The following EDIL3 variants were observed in gnomAD, a reference collection of about 807,000 sequenced individuals.
EDIL3 encodes the protein EGF-like repeat and discoidin I-like domain-containing protein 3.
Under a neutral mutation model 67.4 loss-of-function variants are expected in EDIL3, and 37 were observed. That is an observed-to-expected ratio of 0.55 (90% CI 0.42 to 0.72). The LOEUF is 0.72. EDIL3 is among the 30% of genes least tolerant of loss of function. The probability of loss-of-function intolerance (pLI) is 0.00; values close to 1 mark genes in which losing one functional copy is unlikely to be tolerated. For synonymous variants in EDIL3, 195 were observed against 196.3 expected, an observed-to-expected ratio of 0.99 and a Z score of 0.05; for missense variants, 527 against 586.3, an observed-to-expected ratio of 0.90 and a Z score of 1.04.
intron 1 of EDIL3, among the ~76,000 whole-genome samples, chr5:84,304,791 T>C (rs1288142598): frequency 6.6e-6 from 1 of 152,156 alleles, no homozygotes; most frequent in Non-Finnish European, 1.5e-5. Context: ...AATACAACAA[T>C]TGGATGCAAG....
At chr5:84,293,498 A>G (rs1276570707) in intron 1 of EDIL3, among the ~76,000 whole-genome samples, 1 of 150,660 alleles carries the variant, frequency 6.6e-6, no homozygotes, top group Non-Finnish European at 1.5e-5. Context: ...CTTGTTTTCA[A>G]GCGTAGACTT....
intron 1 of EDIL3, among the ~76,000 whole-genome samples, chr5:84,304,490 C>G (rs1746225219): frequency 6.6e-6 from 1 of 152,128 alleles, no homozygotes; most frequent in African/African-American, 2.4e-5. Flanking sequence ...GAACAGGCAG[C>G]CTCTATTCCA....
chr5:84,055,078 C>A (rs1162912198), intron 9 of EDIL3, among the ~76,000 whole-genome samples: 1 of 146,194 alleles, frequency 6.8e-6, no homozygotes, highest in Non-Finnish European at 1.5e-5. Flanking sequence ...GCTACAGTAA[C>A]CAAAACAGCA....
At position 84,160,744 on chromosome 5, in the gene EDIL3, TCTTTCCTTTCCTTTCCTTTCCTTTC is replaced by T. The variant is rs58536621; in HGVS notation, c.355+19624_355+19648del. Among the ~76,000 whole-genome samples, 159 of 100,088 alleles carry T rather than the reference TCTTTCCTTTCCTTTCCTTTCCTTTC, an allele frequency of 1.6e-3. 3 individuals are homozygous for T. Among genetic ancestry groups the T allele is most frequent in the African/African-American group, 6.0e-3 (148 of 24,558 alleles). 65.7% of individuals were successfully genotyped at this position (100,088 alleles called of 152,430 possible). Reference sequence around the variant, plus strand: ...TTTTCTTCTTTTTTTTCTTTTCTTTTCTTTCCTTTCCTTTCCTTTCCTTTCCTTTCCTTTCCTTTCCTTTCCTTTC... The same window carrying T: ...TTTTCTTCTTTTTTTTCTTTTCTTTTCTTTCCTTTCCTTTCCTTTCCTTTC... On this transcript the variant is annotated intron_variant, in intron 4 of 10. Transcript: ENST00000296591.
At chr5:84,162,640 C>T (rs79687081) in intron 4 of EDIL3, among the ~76,000 whole-genome samples, 2,441 of 152,172 alleles carry the variant, frequency 0.016, 72 homozygotes, top group African/African-American at 0.056. Context: ...CCCCTTGGAG[C>T]ACCATGTTGA....
chr5:84,206,688 T>C (rs1097340), intron 3 of EDIL3, among the ~76,000 whole-genome samples: 106,350 of 151,570 alleles, frequency 0.7, 37,629 homozygotes, highest in African/African-American at 0.74. Flanking sequence ...CATCAAAAAG[T>C]TTATCCACCA....
At chr5:84,354,694 A>G (rs1208541606) in intron 1 of EDIL3, among the ~76,000 whole-genome samples, 1 of 151,722 alleles carries the variant, frequency 6.6e-6, no homozygotes. Flanking sequence ...AATTAACTTT[A>G]TAATTTTTTG....
intron 1 of EDIL3, among the ~76,000 whole-genome samples, chr5:84,320,552 G>C (rs1405077505): frequency 1.3e-5 from 2 of 152,034 alleles, no homozygotes. Context: ...ATGTCAGTTA[G>C]AGACCTGCAC....
intron 9 of EDIL3, among the ~76,000 whole-genome samples, chr5:83,967,974 G>A (rs183130212): frequency 4.6e-5 from 7 of 152,020 alleles, no homozygotes; most frequent in African/African-American, 7.2e-5. Flanking sequence ...CTCATTAAAC[G>A]GAAATGACTT....
At chr5:84,283,199 C>T (rs1487320629) in intron 1 of EDIL3, among the ~76,000 whole-genome samples, 1 of 152,000 alleles carries the variant, frequency 6.6e-6, no homozygotes, top group East Asian at 1.9e-4. Flanking sequence ...ACGGTTTATT[C>T]CCAATTGTGC....
intron 9 of EDIL3, among the ~76,000 whole-genome samples, chr5:84,021,633 A>G (rs114867877): frequency 0.01 from 1,558 of 152,044 alleles, 34 homozygotes; most frequent in African/African-American, 0.035. Context: ...ATGGTCTATC[A>G]AGAATGTTCT....
intron 1 of EDIL3, among the ~76,000 whole-genome samples, chr5:84,323,116 C>A (rs1006216661): frequency 2.0e-5 from 3 of 151,962 alleles, no homozygotes; most frequent in African/African-American, 7.2e-5. Context: ...TATTAATACA[C>A]TTTTTTAAAT....
intron 1 of EDIL3, among the ~76,000 whole-genome samples, chr5:84,308,702 A>G (rs1746321117): frequency 6.6e-6 from 1 of 152,224 alleles, no homozygotes; most frequent in Non-Finnish European, 1.5e-5. Flanking sequence ...ACAAAAATCT[A>G]TCTGAACAAG....
intron 8 of EDIL3, among the ~76,000 whole-genome samples, chr5:84,063,188 A>T (rs1338352543): frequency 6.6e-6 from 1 of 152,076 alleles, no homozygotes; most frequent in Non-Finnish European, 1.5e-5. Context: ...AAGACTGAAA[A>T]ATTGTGGAAG....
intron 5 of EDIL3, among the ~76,000 whole-genome samples, chr5:84,121,757 C>T (rs573381946): frequency 5.3e-5 from 8 of 152,136 alleles, no homozygotes; most frequent in South Asian, 2.1e-4. Flanking sequence ...GCTGTCCCAG[C>T]GTTCCCCCAA....
At chr5:84,349,164 T>G (rs2112186632) in intron 1 of EDIL3, among the ~76,000 whole-genome samples, 1 of 152,338 alleles carries the variant, frequency 6.6e-6, no homozygotes, top group East Asian at 1.9e-4. Flanking sequence ...CAATTATTTA[T>G]AAAGAATAAC....
intron 9 of EDIL3, among the ~76,000 whole-genome samples, chr5:84,011,323 T>C (rs1745513709): frequency 6.6e-6 from 1 of 152,200 alleles, no homozygotes; most frequent in South Asian, 2.1e-4. Flanking sequence ...CCTACATTCA[T>C]TCTGCCAAAT....
chr5:84,254,258 G>C, intron 1 of EDIL3, 46 bp from the exon 2 acceptor site: 1 of 1,565,454 alleles, frequency 6.4e-7, no homozygotes, highest in Non-Finnish European at 8.6e-7. Flanking sequence ...TTTTTGTCTT[G>C]GACATTGAAA....
chr5:84,306,125 TA>T (rs921825528), intron 1 of EDIL3, among the ~76,000 whole-genome samples: 1 of 152,116 alleles, frequency 6.6e-6, no homozygotes, highest in Admixed American at 6.5e-5. Flanking sequence ...CTCAGGAAAT[TA>T]ACCTAGGAAT....
Sources: allele counts gnomAD v4.1 joint callset (sites outside exome capture counted in the v4.1 genomes callset), GRCh38; gene constraint gnomAD v4.1.1; transcripts MANE v1.5; gene names NCBI Gene and HGNC (gene_info 2026-07-23, HGNC 2026-07-21).